Variants in NAV1 observed in about 807,000 individuals in gnomAD.
NAV1 encodes neuron navigator 1.
Under a neutral mutation model 175.2 loss-of-function variants are expected in NAV1, and 18 were observed. The ratio of observed to expected loss-of-function variants is 0.10; its 90% confidence interval spans 0.07 to 0.15. The LOEUF (loss-of-function observed/expected upper bound fraction) is 0.15, where lower values mean the gene tolerates loss of function less well. NAV1 is among the 10% of genes least tolerant of loss of function. The pLI, the probability that NAV1 is intolerant of heterozygous loss-of-function variation, is 1.00. For missense variants in NAV1, 1,731 were observed against 2,436.6 expected, an observed-to-expected ratio of 0.71 and a Z score of 6.10; for synonymous variants, 897 against 978.7, an observed-to-expected ratio of 0.92 and a Z score of 1.56.
chr1:201,725,842 C>T (rs1403470195), intron 3 of NAV1, among the ~76,000 whole-genome samples: 5 of 152,046 alleles, frequency 3.3e-5, no homozygotes, highest in African/African-American at 1.2e-4. Flanking sequence ...CCTGTGGTCC[C>T]AGCTACTCAG....
At chr1:201,561,068 C>T (rs1379865621) in intron 1 of NAV1, among the ~76,000 whole-genome samples, 1 of 152,176 alleles carries the variant, frequency 6.6e-6, no homozygotes, top group Non-Finnish European at 1.5e-5. Flanking sequence ...GATTTCTGAA[C>T]CTTTTCTCCA....
chr1:201,759,497 A>C (rs1230507250), intron 3 of NAV1, among the ~76,000 whole-genome samples: 1 of 152,160 alleles, frequency 6.6e-6, no homozygotes, highest in Non-Finnish European at 1.5e-5. Flanking sequence ...CAGGTTCCTA[A>C]ATTATTTAAG....
At chr1:201,711,850 T>C (rs766461335) in intron 1 of NAV1, among the ~76,000 whole-genome samples, 2 of 152,208 alleles carry the variant, frequency 1.3e-5, no homozygotes, top group South Asian at 2.1e-4. Flanking sequence ...TAAAGATTCA[T>C]TGGATGAACT....
Position 201,648,725 on chromosome 1 carries a change from C to T in NAV1, c.57C>T (p.Gly19=), listed in dbSNP as rs571656889. Residue 19 remains glycine, a synonymous_variant, in exon 1 of 30, where the codon GGC becomes GGT. Transcript: ENST00000367296. ...CCGAGGTGGAGCTGAGCAGCGGCGG[C>T]GGCGACGAGGGCGCGGACGAACCGC... The T allele has an allele frequency of 1.1e-5, 15 of 1,414,050 alleles. No individual in the cohort carries two copies. The African/African-American group carries it at 1.8e-4, about 17-fold the overall frequency. 87.6% of individuals were successfully genotyped at this position (1,414,050 alleles called of 1,614,324 possible).
In NAV1 at chr1:201,790,971, G is replaced by T. The variant is rs1677080074; in HGVS notation, c.3321+205G>T. 6.9e-6 allele frequency: 4 copies of T among 582,906 alleles called. No homozygotes were observed. In the South Asian group the frequency reaches 8.3e-5, roughly 12 times the overall value. The allele number at this position is 582,906 out of a possible 1,614,324, so 36.1% of individuals were successfully genotyped here. Reference sequence around the variant, plus strand: ...CTCAACTTTTATGAAGAACCATTTTGCTTCTACTCTAATTAATAGGTATGG... The same window carrying T: ...CTCAACTTTTATGAAGAACCATTTTTCTTCTACTCTAATTAATAGGTATGG... On this transcript the variant is annotated intron_variant, in intron 13 of 29. Transcript: ENST00000367296.
At position 201,787,261 on chromosome 1, in the gene NAV1, T is replaced by C. The variant is rs1477984108; in HGVS notation, c.2995+684T>C. On this transcript the variant is annotated intron_variant, in intron 9 of 29. Transcript: ENST00000367296. This position sits in a 1 kb window ranked among gnomAD's most constrained non-coding sequence, Gnocchi z 4.3. ...AAGCAGTACGCCATGATTGGCCTAC[T>C]AGGAATCCATTCAGGAATAGTGCCT... Among the ~76,000 whole-genome samples the C allele has an allele frequency of 2.6e-5, 4 of 152,222 alleles. No individual in the cohort carries two copies. Among genetic ancestry groups the C allele is most frequent in the African/African-American group, 9.6e-5 (4 of 41,452 alleles).
intron 3 of NAV1, among the ~76,000 whole-genome samples, chr1:201,752,522 TGGCA>T (rs1674183583): frequency 6.6e-6 from 1 of 152,120 alleles, no homozygotes; most frequent in African/African-American, 2.4e-5. Context: ...ATGGGCTGCT[TGGCA>T]AGAAAGAAAA....
exon 1 of NAV1, chr1:201,648,352 C>T (rs1669050249): frequency 8.4e-7 from 1 of 1,192,828 alleles, no homozygotes; most frequent in Non-Finnish European, 1.0e-6. Context: ...CTTCCTTTGA[C>T]TGATTTTTAA....
chr1:201,636,774 GGAAGTGGAAGGAGAACAGCCT>G (rs1439188483), intron 2 of NAV1, among the ~76,000 whole-genome samples: 1 of 152,174 alleles, frequency 6.6e-6, no homozygotes, highest in Non-Finnish European at 1.5e-5. Flanking sequence ...CAGCCCCAGT[GGAAGTGGAAGGAGAACAGCCT>G]GAGGTTCATA....
exon 1 of NAV1, chr1:201,648,508 T>A: frequency 8.2e-7 from 1 of 1,220,776 alleles, no homozygotes; most frequent in Non-Finnish European, 1.0e-6. Flanking sequence ...CTCTCCCTCC[T>A]CCCTCGCTCT....
At chr1:201,577,270 T>G (rs1371988730) in intron 1 of NAV1, among the ~76,000 whole-genome samples, 1 of 152,254 alleles carries the variant, frequency 6.6e-6, no homozygotes, top group Non-Finnish European at 1.5e-5. Context: ...AACAGGGTCT[T>G]TTACAGAATG....
intron 3 of NAV1, among the ~76,000 whole-genome samples, chr1:201,739,050 G>A (rs1295705929): frequency 6.6e-6 from 1 of 152,142 alleles, no homozygotes; most frequent in Non-Finnish European, 1.5e-5. Flanking sequence ...AAGTTACCAG[G>A]AGGACCCTCA....
chr1:201,689,031 A>G (rs890676080), intron 1 of NAV1, among the ~76,000 whole-genome samples: 1 of 152,234 alleles, frequency 6.6e-6, no homozygotes, highest in Admixed American at 6.5e-5. Context: ...CAAATTAACC[A>G]GGTACCTTCA....
intron 2 of NAV1, among the ~76,000 whole-genome samples, chr1:201,643,114 TCTTC>T (rs1054753607): frequency 1.6e-4 from 24 of 148,188 alleles, no homozygotes; most frequent in East Asian, 1.6e-3. Context: ...TTTCTTTCTT[TCTTC>T]CTTCCTTCCT....
At chr1:201,584,589 GCAGCTGGTTC>G (rs1259863604) in intron 1 of NAV1, among the ~76,000 whole-genome samples, 1 of 152,232 alleles carries the variant, frequency 6.6e-6, no homozygotes, top group African/African-American at 2.4e-5. Flanking sequence ...TGCTATCTCA[GCAGCTGGTTC>G]CAGCTTGTGA....
chr1:201,573,822 G>A (rs1340986995), intron 1 of NAV1, among the ~76,000 whole-genome samples: 1 of 152,136 alleles, frequency 6.6e-6, no homozygotes, highest in East Asian at 1.9e-4. Flanking sequence ...ATTCAGCTCA[G>A]CGGGTGCCTG....
intron 22 of NAV1, 26 bp downstream of exon 26, chr1:201,809,563 G>T (rs2102811564): frequency 1.2e-6 from 2 of 1,602,556 alleles, no homozygotes; most frequent in East Asian, 2.2e-5. Flanking sequence ...TACTCAAAAA[G>T]GTTGTTCATC....
rs962213829 is a variant in NAV1, at chr1:201,539,746, C to CACCCT, written c.-144+409_-144+413dup. Among the ~76,000 whole-genome samples, 26 of 152,320 alleles carry CACCCT rather than the reference C, an allele frequency of 1.7e-4. No individual in the cohort carries two copies. The highest frequency in any genetic ancestry group is 3.4e-3 in the Middle Eastern group (1 of 294). On this transcript the variant is annotated intron_variant, in intron 1 of 33. Transcript: ENST00000685211. The surrounding 1 kb of genome is among the most constrained non-coding windows in gnomAD (Gnocchi z 5.6). ...TACTCGCACCCACACGGCAAGCACA[C>CACCCT]ACCCTACCCGCACCTCTGCCTTTCG... is the stretch of plus-strand genomic sequence containing the variant.
intron 1 of NAV1, among the ~76,000 whole-genome samples, chr1:201,689,393 A>AGGTGGGAAGGT (rs1670811098): frequency 6.6e-6 from 1 of 152,154 alleles, no homozygotes; most frequent in Non-Finnish European, 1.5e-5. Flanking sequence ...TCTCTCTTAA[A>AGGTGGGAAGGT]TCATGTCACC....
Sources: gnomAD v4.1 joint callset for allele counts (sites outside exome capture counted in the v4.1 genomes callset) on GRCh38, gnomAD v4.1.1 for gene constraint, Gnocchi (gnomAD v3.1) non-coding constraint, MANE v1.5 for transcripts, NCBI Gene and HGNC (gene_info 2026-07-23, HGNC 2026-07-21) for gene names.